Variants in ABLIM2 observed in about 807,000 individuals in gnomAD.
The protein encoded by ABLIM2 is actin binding LIM protein family member 2, also known as actin-binding LIM protein 2.
Under a neutral mutation model 97.7 loss-of-function variants are expected in ABLIM2, and 53 were observed. The ratio of observed to expected loss-of-function variants is 0.54; its 90% CI spans 0.44 to 0.68. The LOEUF (loss-of-function observed/expected upper bound fraction) is 0.68. ABLIM2 is among the 30% of genes least tolerant of loss of function. The probability of loss-of-function intolerance (pLI) is 0.00; values close to 1 mark genes in which losing one functional copy is unlikely to be tolerated. For synonymous variants in ABLIM2, 361 were observed against 345.8 expected, an observed-to-expected ratio of 1.04 and a Z score of -0.49; for missense variants, 835 against 867.2, an observed-to-expected ratio of 0.96 and a Z score of 0.47.
intron 6 of ABLIM2, among the ~76,000 whole-genome samples, chr4:8,073,145 G>A (rs1041429696): frequency 6.6e-6 from 1 of 151,620 alleles, no homozygotes; most frequent in Non-Finnish European, 1.5e-5. Flanking sequence ...GAAGATGGGA[G>A]GAGACAGGAT....
At chr4:8,066,504 A>G (rs1232695906) in intron 6 of ABLIM2, 1 of 152,094 alleles carries the variant, frequency 6.6e-6, no homozygotes, top group African/African-American at 2.4e-5. Context: ...AAGGATAGAA[A>G]CAGCCCCGGT....
At chr4:8,059,949 C>T (rs1338543117) in intron 7 of ABLIM2, among the ~76,000 whole-genome samples, 2 of 151,100 alleles carry the variant, frequency 1.3e-5, no homozygotes, top group African/African-American at 4.9e-5. Flanking sequence ...CCCAAAGCTG[C>T]CTCTTGGAGA....
chr4:8,068,425 G>C lies in ABLIM2; in HGVS notation c.676-7371C>G, dbSNP rs944425159. Among the ~76,000 whole-genome samples, 1 of 152,162 alleles carries C rather than the reference G, an allele frequency of 6.6e-6. No individual in the cohort carries two copies. Among genetic ancestry groups the C allele is most frequent in the Non-Finnish European group, 1.5e-5 (1 of 68,024 alleles). Reference sequence around the variant, plus strand: ...GCTGGGTCAGAGGGCAGCGGTTTAAGGGACGTCCCCACTGTGACGTGCAGA... The same window carrying C: ...GCTGGGTCAGAGGGCAGCGGTTTAACGGACGTCCCCACTGTGACGTGCAGA... On this transcript the variant is annotated intron_variant, in intron 6 of 20. Coordinates refer to ENST00000447017, the MANE Select transcript of ABLIM2 (RefSeq NM_001130083.2). The surrounding 1 kb of genome is among the most constrained non-coding windows in gnomAD (Gnocchi z 4.5).
intron 14 of ABLIM2, among the ~76,000 whole-genome samples, chr4:8,016,084 G>T (rs181963797): frequency 7.9e-6 from 1 of 126,904 alleles, no homozygotes; most frequent in Non-Finnish European, 1.5e-5. Flanking sequence ...TCACTCTGTC[G>T]CCCAGGCTGG....
chr4:8,062,458 C>A (rs568680007), intron 6 of ABLIM2, among the ~76,000 whole-genome samples: 1 of 148,128 alleles, frequency 6.8e-6, no homozygotes, highest in South Asian at 2.1e-4. Context: ...TTTTTTGAGA[C>A]GGAGTCTCAC....
intron 10 of ABLIM2, among the ~76,000 whole-genome samples, chr4:8,035,242 G>A (rs1053321816): frequency 1.3e-5 from 2 of 152,030 alleles, no homozygotes; most frequent in African/African-American, 4.8e-5. Flanking sequence ...GGCACCTGCT[G>A]GCCCTGAGCT....
At chr4:8,053,973 T>C (rs1267736418) in intron 8 of ABLIM2, among the ~76,000 whole-genome samples, 1 of 152,180 alleles carries the variant, frequency 6.6e-6, no homozygotes, top group Non-Finnish European at 1.5e-5. Flanking sequence ...TTCTGTGATA[T>C]CAACAGAAAA....
intron 14 of ABLIM2, among the ~76,000 whole-genome samples, chr4:8,012,020 C>T (rs1765222497): frequency 1.3e-5 from 2 of 152,126 alleles, no homozygotes; most frequent in South Asian, 2.1e-4. Flanking sequence ...ATCCATGCAC[C>T]CACTCCTTTA....
intron 1 of ABLIM2, among the ~76,000 whole-genome samples, chr4:8,111,726 G>T (rs1008199651): frequency 3.9e-5 from 6 of 152,164 alleles, no homozygotes; most frequent in Admixed American, 3.9e-4. Context: ...AGGAGTTTGA[G>T]ATCAGCATGG....
At chr4:7,971,805 C>T (rs1728282819) in intron 20 of ABLIM2, among the ~76,000 whole-genome samples, 1 of 152,158 alleles carries the variant, frequency 6.6e-6, no homozygotes, top group Non-Finnish European at 1.5e-5. Context: ...GGGAGGGACT[C>T]TGACACCTCC....
rs1737725524 is a variant in ABLIM2, at chr4:7,980,941, A to ATTTTTTTTTTTTTTTTTTTGTT, written c.1824+2322_1824+2323insAACAAAAAAAAAAAAAAAAAAA. On this transcript the variant is annotated intron_variant, in intron 20 of 20. Coordinates refer to ENST00000447017, the MANE Select transcript of ABLIM2 (RefSeq NM_001130083.2). The stretch of plus-strand genomic sequence containing the variant: ...AGAACCATGGTCTCCACAACCCCTT[A>ATTTTTTTTTTTTTTTTTTTGTT]TTTTTTTTTTTTTTTTTTTTGAGAT... 2.4e-5 allele frequency among the ~76,000 whole-genome samples: 2 copies of ATTTTTTTTTTTTTTTTTTTGTT among 82,988 alleles called. 1 individual carries two copies. Among genetic ancestry groups the ATTTTTTTTTTTTTTTTTTTGTT allele is most frequent in the Non-Finnish European group, 4.2e-5 (2 of 48,034 alleles). 54.4% of individuals were successfully genotyped at this position (82,988 alleles called of 152,430 possible).
intron 16 of ABLIM2, chr4:8,007,712 C>A (rs749871298): frequency 1.9e-6 from 2 of 1,066,596 alleles, no homozygotes; most frequent in Non-Finnish European, 2.3e-6. Context: ...CATGTCTGCT[C>A]TGGAGGGAAC....
intron 7 of ABLIM2, among the ~76,000 whole-genome samples, chr4:8,059,648 T>C (rs1334622229): frequency 1.3e-5 from 2 of 152,092 alleles, no homozygotes; most frequent in Non-Finnish European, 2.9e-5. Context: ...ATACCTGTAA[T>C]CTCAGCACTT....
At position 8,148,947 on chromosome 4, in the gene ABLIM2, GGA is replaced by G. The variant is rs370714381; in HGVS notation, c.10+9731_10+9732del. ...AGGACCCGGGATCTGGAGGCACCAG[GGA>G]GAGTCCAGCTGTGCCAAGGCCCAGG... is the stretch of plus-strand genomic sequence containing the variant. On this transcript the variant is annotated intron_variant, in intron 1 of 20. Transcript: ENST00000447017. This position sits in a 1 kb window ranked among gnomAD's most constrained non-coding sequence, Gnocchi z 6.7. Among the ~76,000 whole-genome samples the G allele has an allele frequency of 1.2e-4, 19 of 152,328 alleles. No homozygotes were observed. In the South Asian group the frequency reaches 1.9e-3, roughly 15 times the overall value.
intron 14 of ABLIM2, among the ~76,000 whole-genome samples, chr4:8,016,774 C>T (rs534255555): frequency 1.1e-4 from 16 of 152,318 alleles, no homozygotes; most frequent in Admixed American, 3.3e-4. Flanking sequence ...CACAGAACAC[C>T]TGCCCAGTGT....
intron 2 of ABLIM2, among the ~76,000 whole-genome samples, chr4:8,100,749 G>GAAAAAAAAAAAAAAAAAAAAAAAAA (rs57318831): frequency 2.0e-5 from 2 of 100,216 alleles, no homozygotes; most frequent in Admixed American, 1.1e-4. Flanking sequence ...TCCATCTCAG[G>GAAAAAAAAAAAAAAAAAAAAAAAAA]AAAAAAAAAA....
In ABLIM2 at chr4:8,128,125, C is replaced by T. The variant is rs1848726611; in HGVS notation, c.11-21488G>A. The stretch of plus-strand genomic sequence containing the variant: ...TCCCGCTGCTGGTGGCTCCAGGCGC[C>T]CTTTGGTATGTGGCTTCAGGGCTCC... On this transcript the variant is annotated intron_variant, in intron 1 of 20. Transcript: ENST00000447017. The surrounding 1 kb of genome is among the most constrained non-coding windows in gnomAD (Gnocchi z 4.9). 1.3e-5 allele frequency among the ~76,000 whole-genome samples: 2 copies of T among 152,268 alleles called. No individual in the cohort carries two copies. The highest frequency in any genetic ancestry group is 2.9e-5 in the Non-Finnish European group (2 of 68,018).
At position 8,038,931 on chromosome 4, in the gene ABLIM2, G is replaced by T. The variant is rs545701526; in HGVS notation, c.901-2636C>A. On this transcript the variant is annotated intron_variant, in intron 9 of 20. Coordinates refer to ENST00000447017, the MANE Select transcript of ABLIM2 (RefSeq NM_001130083.2). ...CTCACAGCCTGGGGGCTTTGCACCT[G>T]CTGTTCCCTCTCTGGGATGTGCCCC... 1.7e-4 allele frequency among the ~76,000 whole-genome samples: 26 copies of T among 152,272 alleles called. No homozygotes were observed. The South Asian group carries it at 5.4e-3, about 32-fold the overall frequency.
At chr4:8,096,917 T>C (rs1831929651) in intron 3 of ABLIM2, among the ~76,000 whole-genome samples, 182 bp downstream of exon 3, 1 of 151,972 alleles carries the variant, frequency 6.6e-6, no homozygotes, top group Non-Finnish European at 1.5e-5. Context: ...GAGCTCCCTG[T>C]GAGGAGGCCT....
Sources: allele counts gnomAD v4.1 joint callset (sites outside exome capture counted in the v4.1 genomes callset), GRCh38; gene constraint gnomAD v4.1.1; non-coding constraint Gnocchi (gnomAD v3.1); transcripts MANE v1.5; gene names NCBI Gene and HGNC (gene_info 2026-07-23, HGNC 2026-07-21).